GALNT18: variants seen among roughly 807,000 people sequenced by gnomAD.
GALNT18 encodes GalNAc-transferase 18.
In GALNT18, 44 loss-of-function variants were observed where a neutral mutation model predicts 69.5. That is an observed-to-expected ratio of 0.63 (90% confidence interval 0.50 to 0.81). The LOEUF (loss-of-function observed/expected upper bound fraction) is 0.81, where lower values mean the gene tolerates loss of function less well. GALNT18 is among the 40% of genes least tolerant of loss of function. The probability of loss-of-function intolerance (pLI) is 0.00; values close to 1 mark genes in which losing one functional copy is unlikely to be tolerated. For missense variants in GALNT18, 715 were observed against 810.0 expected (o/e 0.88, Z 1.42); for synonymous variants, 364 against 318.2 (o/e 1.14, Z -1.53).
chr11:11,476,785 A>G (rs183439884), intron 1 of GALNT18, among the ~76,000 whole-genome samples: 7 of 152,214 alleles, frequency 4.6e-5, no homozygotes, highest in African/African-American at 1.7e-4. Context: ...CCCACATAAC[A>G]AGAAAGTTAA....
chr11:11,299,657 G>A (rs576696831), intron 9 of GALNT18, among the ~76,000 whole-genome samples: 39 of 152,280 alleles, frequency 2.6e-4, no homozygotes, highest in African/African-American at 8.9e-4. Flanking sequence ...TCTCATTCCT[G>A]TTCATGGCTG....
At chr11:11,410,249 G>C (rs1277013180) in intron 3 of GALNT18, among the ~76,000 whole-genome samples, 2 of 152,162 alleles carry the variant, frequency 1.3e-5, no homozygotes, top group Non-Finnish European at 2.9e-5. Flanking sequence ...CCAGGGTCTT[G>C]TGCTGTCCCT....
At chr11:11,529,955 A>T (rs4910376) in intron 1 of GALNT18, among the ~76,000 whole-genome samples, 34,850 of 151,934 alleles carry the variant, frequency 0.23, 4,445 homozygotes, top group Non-Finnish European at 0.27. Context: ...CAGAGTCTGG[A>T]CCTCAGCACT....
intron 1 of GALNT18, among the ~76,000 whole-genome samples, chr11:11,597,179 T>G (rs1395672676): frequency 6.6e-6 from 1 of 152,214 alleles, no homozygotes; most frequent in East Asian, 1.9e-4. Context: ...TATATGTTGC[T>G]GAATTCAGTT....
At chr11:11,301,497 TCAACCA>T in intron 9 of GALNT18, among the ~76,000 whole-genome samples, 1 of 152,202 alleles carries the variant, frequency 6.6e-6, no homozygotes, top group East Asian at 1.9e-4. Context: ...CTTATGTTCA[TCAACCA>T]CAGCACGAGG....
In GALNT18 at chr11:11,327,105, C is replaced by G. The variant is rs772140469; in HGVS notation, c.1493G>C (p.Cys498Ser). ...DTENVPIMYI[C>S]HGMTPQNVYY... is the part of the protein sequence containing the mutation. The stretch of plus-strand genomic sequence containing the variant: ...ACTCACCTGAGGCGTCATCCCATGG[C>G]AGATGTACATGATGGGGACATTCTC... The change falls in exon 9 of 11, where the codon TGC becomes TCC. Residue 498 changes from cysteine (C) to serine (S), a missense_variant. Coordinates refer to ENST00000227756, the MANE Select transcript of GALNT18 (RefSeq NM_198516.3). 6.2e-7 allele frequency: 1 copy of G among 1,613,398 alleles called. No homozygotes were observed. The highest frequency in any genetic ancestry group is 1.7e-5 in the Admixed American group (1 of 60,022).
intron 3 of GALNT18, among the ~76,000 whole-genome samples, chr11:11,409,972 A>C (rs1203157647): frequency 6.6e-6 from 1 of 152,192 alleles, no homozygotes; most frequent in African/African-American, 2.4e-5. Flanking sequence ...AGCTCCCTGC[A>C]CTACCAGGGT....
chr11:11,448,561 G>A (rs1855712983), intron 2 of GALNT18, among the ~76,000 whole-genome samples, 183 bp downstream of exon 2: 1 of 152,236 alleles, frequency 6.6e-6, no homozygotes, highest in Non-Finnish European at 1.5e-5. Flanking sequence ...AGCTAATGGA[G>A]AAACTGAGGC....
At chr11:11,526,904 C>T (rs1418724322) in intron 1 of GALNT18, among the ~76,000 whole-genome samples, 2 of 152,162 alleles carry the variant, frequency 1.3e-5, no homozygotes, top group Non-Finnish European at 2.9e-5. Context: ...GTCGAGTCCA[C>T]GCCACACTCT....
At chr11:11,489,153 C>A (rs538524503) in intron 1 of GALNT18, among the ~76,000 whole-genome samples, 2 of 152,258 alleles carry the variant, frequency 1.3e-5, no homozygotes, top group African/African-American at 4.8e-5. Context: ...CATGCCCAGA[C>A]CTGAATGAAA....
rs764684200 is a variant in GALNT18, at chr11:11,379,154, C to T, written c.706G>A (p.Val236Ile). The change falls in exon 4 of 11, where the codon GTC becomes ATC. Residue 236 changes from valine (V) to isoleucine (I), a missense_variant. Coordinates refer to ENST00000227756, the MANE Select transcript of GALNT18 (RefSeq NM_198516.3). ...SKQEGLIRSR[V>I]SGWRAATAPV... ...GCAGTGGCCGCCCTCCAGCCACTGA[C>T]CCTGGAGCGGATGAGGCCTTCCTGC... 2 of 1,612,038 alleles carry T rather than the reference C, an allele frequency of 1.2e-6. No homozygotes were observed. The highest frequency in any genetic ancestry group is 2.2e-5 in the East Asian group (1 of 44,852).
chr11:11,276,348 G>A (rs1269724695), intron 10 of GALNT18, among the ~76,000 whole-genome samples: 4 of 152,080 alleles, frequency 2.6e-5, no homozygotes, highest in Admixed American at 6.5e-5. Flanking sequence ...TTGGTGTATA[G>A]GAATGCTTGT....
At position 11,454,080 on chromosome 11, in the gene GALNT18, C is replaced by T. The variant is rs1001468889; in HGVS notation, c.236-5144G>A. Among the ~76,000 whole-genome samples the T allele has an allele frequency of 1.3e-5, 2 of 152,116 alleles. No individual in the cohort carries two copies. The highest frequency in any genetic ancestry group is 2.1e-4 in the South Asian group (1 of 4,820). The stretch of plus-strand genomic sequence containing the variant: ...GAATAGGGCATTAGCAGTGGGTCGT[C>T]GTGAGGTCAGAAAACTCCCTGCCTA... On this transcript the variant is annotated intron_variant, in intron 1 of 10. Transcript: ENST00000227756. The surrounding 1 kb of genome is among the most constrained non-coding windows in gnomAD (Gnocchi z 4.2).
At chr11:11,460,285 TG>T (rs2133837334) in intron 1 of GALNT18, among the ~76,000 whole-genome samples, 1 of 152,330 alleles carries the variant, frequency 6.6e-6, no homozygotes, top group African/African-American at 2.4e-5. Flanking sequence ...GTCCAATCAT[TG>T]TGTGGCTTTT....
rs374700010 is a variant in GALNT18 at position 11,388,286 on chromosome 11, GC to G, written c.596-9023del. The stretch of plus-strand genomic sequence containing the variant: ...TACTTAGCGGGGTCGCCAAAGCCAG[GC>G]TCTCAAAACCCACAAACACCTTCTT... On this transcript the variant is annotated intron_variant, in intron 3 of 10. Coordinates refer to ENST00000227756, the MANE Select transcript of GALNT18 (RefSeq NM_198516.3). 1.1e-3 allele frequency among the ~76,000 whole-genome samples: 160 copies of G among 152,136 alleles called. 1 individual carries two copies. The East Asian group carries it at 0.023, about 22-fold the overall frequency.
intron 1 of GALNT18, among the ~76,000 whole-genome samples, chr11:11,484,616 A>T (rs1039020107): frequency 7.0e-6 from 1 of 141,934 alleles, no homozygotes; most frequent in African/African-American, 2.5e-5. Flanking sequence ...AAAAAAAAAA[A>T]TACCCAAGTG....
At chr11:11,539,407 G>A (rs1857858358) in intron 1 of GALNT18, among the ~76,000 whole-genome samples, 1 of 152,208 alleles carries the variant, frequency 6.6e-6, no homozygotes, top group Non-Finnish European at 1.5e-5. Flanking sequence ...CTCCTGAAGA[G>A]TGAGCAGGTC....
At chr11:11,371,553 GT>G (rs1292625546) in intron 6 of GALNT18, among the ~76,000 whole-genome samples, 7 of 143,032 alleles carry the variant, frequency 4.9e-5, no homozygotes, top group Non-Finnish European at 6.3e-5. Flanking sequence ...TAGGCACAGG[GT>G]TCTCTCCAAG....
intron 1 of GALNT18, among the ~76,000 whole-genome samples, chr11:11,456,832 G>C (rs1048014445): frequency 7.9e-5 from 12 of 152,168 alleles, no homozygotes; most frequent in East Asian, 3.9e-4. Flanking sequence ...GGGCACCTGG[G>C]AAATGCCATA....
Sources: gnomAD v4.1 joint callset for allele counts (sites outside exome capture counted in the v4.1 genomes callset) on GRCh38, gnomAD v4.1.1 for gene constraint, Gnocchi (gnomAD v3.1) non-coding constraint, MANE v1.5 for transcripts, NCBI Gene and HGNC (gene_info 2026-07-23, HGNC 2026-07-21) for gene names.